Variants in FANK1 observed in about 807,000 individuals in gnomAD.
FANK1 encodes the protein fibronectin type III and ankyrin repeat domains 1.
In FANK1, 44 loss-of-function variants were observed where a neutral mutation model predicts 45.3. The observed-to-expected ratio is 0.97, with a 90% CI of 0.76 to 1.25. The LOEUF is 1.25. FANK1 is among the 50% of genes most tolerant of loss of function. The pLI is 0.00. For synonymous variants in FANK1, 149 were observed against 152.5 expected, an observed-to-expected ratio of 0.98 and a Z score of 0.17; for missense variants, 391 against 424.4, an observed-to-expected ratio of 0.92 and a Z score of 0.69.
At chr10:125,925,563 A>G (rs907818486) in intron 1 of FANK1, among the ~76,000 whole-genome samples, 1 of 152,004 alleles carries the variant, frequency 6.6e-6, no homozygotes, top group African/African-American at 2.4e-5. Context: ...CCGCCAAATA[A>G]TTGTTTTTAT....
intron 6 of FANK1, among the ~76,000 whole-genome samples, chr10:126,001,336 CAG>C (rs1342602979): frequency 3.9e-5 from 6 of 151,980 alleles, no homozygotes; most frequent in Non-Finnish European, 8.8e-5. Context: ...CTTAAGTAAA[CAG>C]GGAAGTATAT....
chr10:125,956,616 G>T (rs1949594009), intron 1 of FANK1, among the ~76,000 whole-genome samples: 1 of 152,184 alleles, frequency 6.6e-6, no homozygotes, highest in African/African-American at 2.4e-5. Flanking sequence ...ATAGTAGAAA[G>T]TAATTTTATA....
At chr10:125,934,496 A>T (rs943214641) in intron 1 of FANK1, among the ~76,000 whole-genome samples, 1 of 151,900 alleles carries the variant, frequency 6.6e-6, no homozygotes, top group Admixed American at 6.6e-5. Context: ...AGGCTCCGGG[A>T]TGTCTGGCTA....
intron 1 of FANK1, among the ~76,000 whole-genome samples, chr10:125,954,650 T>TG (rs1203754390): frequency 6.6e-6 from 1 of 152,202 alleles, no homozygotes; most frequent in African/African-American, 2.4e-5. Context: ...TCAGGTGCAG[T>TG]GGCTCACGCC....
chr10:125,927,520 A>C (rs1947437393), intron 1 of FANK1, among the ~76,000 whole-genome samples: 1 of 151,498 alleles, frequency 6.6e-6, no homozygotes, highest in East Asian at 1.9e-4. Context: ...GGTTCTTCCA[A>C]GCTTGGGTCC....
chr10:125,972,726 C>T (rs1197087534), intron 1 of FANK1: 1 of 151,852 alleles, frequency 6.6e-6, no homozygotes, highest in Non-Finnish European at 1.5e-5. Context: ...ATCAGTGGGG[C>T]GTACACTAAC....
chr10:125,904,890 C>G (rs982918702), intron 1 of FANK1, among the ~76,000 whole-genome samples: 1 of 151,772 alleles, frequency 6.6e-6, no homozygotes, highest in African/African-American at 2.4e-5. Flanking sequence ...CTTTGGGAGG[C>G]CGAGGCGGGC....
intron 1 of FANK1, among the ~76,000 whole-genome samples, chr10:125,915,009 C>G (rs1195226431): frequency 1.3e-5 from 2 of 152,168 alleles, no homozygotes. Flanking sequence ...AGATCCAGCA[C>G]TCCTATTCCT....
At chr10:125,936,273 T>C (rs756330019) in intron 1 of FANK1, among the ~76,000 whole-genome samples, 4 of 152,136 alleles carry the variant, frequency 2.6e-5, no homozygotes, top group Non-Finnish European at 4.4e-5. Context: ...TTTAGTTGAA[T>C]TTAGTGATTT....
Position 125,983,527 on chromosome 10 carries a change from T to C in FANK1, c.191+3189T>C, listed in dbSNP as rs1951357375. ...AAAAATTGAGGGCCTGGGGTAGAGG[T>C]GGGGAAGTCTTCACCAAGAAGGTAG... On this transcript the variant is annotated intron_variant, in intron 2 of 10. Coordinates refer to ENST00000368693, the MANE Select transcript of FANK1 (RefSeq NM_145235.5). This position sits in a 1 kb window ranked among gnomAD's most constrained non-coding sequence, Gnocchi z 4.3. 6.6e-6 allele frequency among the ~76,000 whole-genome samples: 1 copy of C among 151,788 alleles called. No homozygotes were observed. The highest frequency in any genetic ancestry group is 1.5e-5 in the Non-Finnish European group (1 of 67,928).
intron 6 of FANK1, among the ~76,000 whole-genome samples, chr10:126,002,612 G>A (rs759399917): frequency 2.6e-5 from 4 of 152,198 alleles, no homozygotes; most frequent in Middle Eastern, 6.8e-3. Flanking sequence ...GGCTTTGCAC[G>A]TTTCCCTATT....
chr10:125,960,081 G>C (rs1269861169), intron 1 of FANK1: 1 of 156,528 alleles, frequency 6.4e-6, no homozygotes, highest in Non-Finnish European at 1.4e-5. Context: ...CTACAGGAAA[G>C]GTCTGAAATA....
intron 1 of FANK1, among the ~76,000 whole-genome samples, chr10:125,899,290 C>A (rs942093148): frequency 6.6e-6 from 1 of 152,220 alleles, no homozygotes; most frequent in African/African-American, 2.4e-5. Flanking sequence ...GAACTCCTAA[C>A]TTCAGGTGAT....
chr10:125,986,633 T>A (rs926238187), intron 2 of FANK1, among the ~76,000 whole-genome samples: 1 of 152,156 alleles, frequency 6.6e-6, no homozygotes, highest in African/African-American at 2.4e-5. Flanking sequence ...GGGAAGTCCC[T>A]TTCTCAGACT....
chr10:125,929,183 G>A (rs1185659690), intron 1 of FANK1, among the ~76,000 whole-genome samples: 1 of 152,210 alleles, frequency 6.6e-6, no homozygotes, highest in Non-Finnish European at 1.5e-5. Flanking sequence ...GAAAGAAACA[G>A]GAGCTTAAAG....
chr10:125,943,065 G>T (rs1948557400), intron 1 of FANK1, among the ~76,000 whole-genome samples: 1 of 152,092 alleles, frequency 6.6e-6, no homozygotes, highest in Admixed American at 6.5e-5. Context: ...GCCCACTGCG[G>T]CTTCCCAAAG....
intron 1 of FANK1, among the ~76,000 whole-genome samples, chr10:125,963,871 A>T (rs1313084845): frequency 6.6e-6 from 1 of 152,118 alleles, no homozygotes; most frequent in Non-Finnish European, 1.5e-5. Flanking sequence ...GTACACATGT[A>T]CCCTAGAACT....
intron 1 of FANK1, among the ~76,000 whole-genome samples, chr10:125,951,314 T>C (rs1265679724): frequency 1.3e-5 from 2 of 152,138 alleles, no homozygotes; most frequent in Non-Finnish European, 2.9e-5. Flanking sequence ...AACTATTTGC[T>C]CATATTTTTT....
At position 125,922,368 on chromosome 10, in the gene FANK1, C is replaced by T. The variant is rs368043358; in HGVS notation, c.13+25713C>T. Among the ~76,000 whole-genome samples, 122 of 152,328 alleles carry T rather than the reference C, an allele frequency of 8.0e-4. 3 individuals are homozygous for T. The South Asian group carries it at 0.024, about 29-fold the overall frequency. On this transcript the variant is annotated intron_variant, in intron 1 of 10. Transcript: ENST00000368693. ...ATCCAGATAATTCTTCAGGTTTTGACGTTTCCCAACCTGTCTGCTGGTTAC... is the reference window on the plus strand; with the variant it reads ...ATCCAGATAATTCTTCAGGTTTTGATGTTTCCCAACCTGTCTGCTGGTTAC...
Sources: allele counts gnomAD v4.1 joint callset (sites outside exome capture counted in the v4.1 genomes callset), GRCh38; gene constraint gnomAD v4.1.1; non-coding constraint Gnocchi (gnomAD v3.1); transcripts MANE v1.5; gene names NCBI Gene and HGNC (gene_info 2026-07-23, HGNC 2026-07-21).